CNTNAP2: variants seen among roughly 807,000 people sequenced by gnomAD.
The protein encoded by CNTNAP2 is contactin-associated protein-like 2.
A neutral mutation model predicts 155.2 loss-of-function variants in CNTNAP2; 98 were observed. The ratio of observed to expected loss-of-function variants is 0.63; its 90% CI spans 0.54 to 0.75. The LOEUF (loss-of-function observed/expected upper bound fraction) is 0.75. Ranked by LOEUF, CNTNAP2 falls within the 30% of genes least tolerant of loss-of-function variation. The pLI is 0.00. For missense variants in CNTNAP2, 1,727 were observed against 1,688.1 expected (o/e 1.02, Z -0.40); for synonymous variants, 651 against 631.2 (o/e 1.03, Z -0.47).
At chr7:148,056,251 T>G (rs1803006170) in intron 15 of CNTNAP2, among the ~76,000 whole-genome samples, 1 of 152,184 alleles carries the variant, frequency 6.6e-6, no homozygotes, top group Non-Finnish European at 1.5e-5. Flanking sequence ...CATTTTATGT[T>G]CTGTGGATTT....
At chr7:147,775,282 T>G (rs1797550348) in intron 13 of CNTNAP2, among the ~76,000 whole-genome samples, 1 of 94,036 alleles carries the variant, frequency 1.1e-5, no homozygotes, top group Non-Finnish European at 1.9e-5. Flanking sequence ...TATATATTTA[T>G]AAATATATAT....
intron 17 of CNTNAP2, among the ~76,000 whole-genome samples, chr7:148,158,036 T>C (rs1805437502): frequency 1.3e-5 from 2 of 152,064 alleles, no homozygotes; most frequent in Admixed American, 1.3e-4. Flanking sequence ...ATCTTCTCAA[T>C]AGAACCATCT....
At chr7:147,021,652 C>A (rs900232212) in intron 3 of CNTNAP2, among the ~76,000 whole-genome samples, 1 of 152,148 alleles carries the variant, frequency 6.6e-6, no homozygotes, top group Non-Finnish European at 1.5e-5. Context: ...TTTCTTCCTC[C>A]TCCTACTGGT....
At chr7:146,707,043 C>T (rs186708894) in intron 1 of CNTNAP2, among the ~76,000 whole-genome samples, 37 of 152,262 alleles carry the variant, frequency 2.4e-4, no homozygotes, top group African/African-American at 5.5e-4. Flanking sequence ...AAATTAGCCA[C>T]GTCGTAAAAT....
At chr7:147,242,302 C>G (rs1414232112) in intron 8 of CNTNAP2, among the ~76,000 whole-genome samples, 1 of 152,128 alleles carries the variant, frequency 6.6e-6, no homozygotes, top group East Asian at 1.9e-4. Flanking sequence ...GGTCTTTGTT[C>G]TACTGAAAAA....
At chr7:147,367,317 A>G (rs919225361) in intron 9 of CNTNAP2, among the ~76,000 whole-genome samples, 2 of 152,198 alleles carry the variant, frequency 1.3e-5, no homozygotes, top group African/African-American at 4.8e-5. Flanking sequence ...AATGACAACC[A>G]GTTAATGAAA....
At chr7:146,519,575 G>C (rs1342582873) in intron 1 of CNTNAP2, among the ~76,000 whole-genome samples, 2 of 151,886 alleles carry the variant, frequency 1.3e-5, no homozygotes, top group African/African-American at 4.8e-5. Flanking sequence ...AGGTTAAAAA[G>C]TTCTCTTTGC....
At chr7:147,545,127 A>G (rs1416406888) in intron 11 of CNTNAP2, among the ~76,000 whole-genome samples, 1 of 152,168 alleles carries the variant, frequency 6.6e-6, no homozygotes, top group Non-Finnish European at 1.5e-5. Flanking sequence ...GTCAAACTGA[A>G]TTTATTATTA....
At chr7:147,073,908 A>G (rs1799946988) in intron 4 of CNTNAP2, among the ~76,000 whole-genome samples, 1 of 152,168 alleles carries the variant, frequency 6.6e-6, no homozygotes, top group Non-Finnish European at 1.5e-5. Flanking sequence ...ATTGAGTCAG[A>G]AAATGCAGTG....
At chr7:147,059,700 T>C (rs1355317621) in intron 4 of CNTNAP2, among the ~76,000 whole-genome samples, 1 of 152,138 alleles carries the variant, frequency 6.6e-6, no homozygotes, top group African/African-American at 2.4e-5. Flanking sequence ...CTGGCTCATA[T>C]ATATTGTGTC....
At position 146,441,009 on chromosome 7, in the gene CNTNAP2, CT is replaced by C. The variant is rs1283723550; in HGVS notation, c.97+324038del. On this transcript the variant is annotated intron_variant, in intron 1 of 23. Coordinates refer to ENST00000361727, the MANE Select transcript of CNTNAP2 (RefSeq NM_014141.6). Reference sequence around the variant, plus strand: ...ATAAATCAAGATGTTACATTGACAACTTGTCCTACAAGTCTAAAATAAGAGT... The same window carrying C: ...ATAAATCAAGATGTTACATTGACAACTGTCCTACAAGTCTAAAATAAGAGT... Among the ~76,000 whole-genome samples, 6 of 151,568 alleles carry C rather than the reference CT, an allele frequency of 4.0e-5. No homozygotes were observed. In the East Asian group the frequency reaches 1.2e-3, roughly 29 times the overall value.
chr7:148,129,923 G>T (rs1248097846), intron 16 of CNTNAP2, among the ~76,000 whole-genome samples: 1 of 152,168 alleles, frequency 6.6e-6, no homozygotes, highest in African/African-American at 2.4e-5. Flanking sequence ...GGAGGGATGT[G>T]CCACAATAAA....
intron 8 of CNTNAP2, among the ~76,000 whole-genome samples, chr7:147,192,228 AT>A (rs1209300094): frequency 6.6e-6 from 1 of 152,090 alleles, no homozygotes; most frequent in African/African-American, 2.4e-5. Context: ...GGTCGGAAAC[AT>A]TTTACTCTTC....
intron 12 of CNTNAP2, among the ~76,000 whole-genome samples, chr7:147,566,478 A>G (rs1800173785): frequency 6.6e-6 from 1 of 152,056 alleles, no homozygotes; most frequent in Non-Finnish European, 1.5e-5. Flanking sequence ...AGATTGAGTA[A>G]TTTATAAAGG....
intron 8 of CNTNAP2, among the ~76,000 whole-genome samples, chr7:147,214,555 G>C (rs4448175): frequency 0.19 from 28,872 of 151,976 alleles, 3,120 homozygotes; most frequent in Non-Finnish European, 0.24. Flanking sequence ...TATTAAAGAT[G>C]GTTTGCTTAT....
At chr7:147,270,862 C>A (rs1027839071) in intron 8 of CNTNAP2, among the ~76,000 whole-genome samples, 1 of 152,152 alleles carries the variant, frequency 6.6e-6, no homozygotes, top group African/African-American at 2.4e-5. Context: ...GATTCATTTG[C>A]CATTAGGACG....
intron 3 of CNTNAP2, among the ~76,000 whole-genome samples, chr7:146,961,024 T>A (rs1237657720): frequency 6.6e-6 from 1 of 152,236 alleles, no homozygotes; most frequent in African/African-American, 2.4e-5. Context: ...GCATTTAGAA[T>A]GATTGGTCTT....
At position 147,891,778 on chromosome 7, in the gene CNTNAP2, T is replaced by C. The variant is rs555891152; in HGVS notation, c.2099-11787T>C. Among the ~76,000 whole-genome samples the C allele has an allele frequency of 1.8e-4, 27 of 152,148 alleles. 1 individual carries two copies. Among genetic ancestry groups the C allele is most frequent in the African/African-American group, 6.3e-4 (26 of 41,496 alleles). ...ACTAAATTATATGAGCCTCAGATAG[T>C]TTACCAAATAATTCCAACATAGCCC... On this transcript the variant is annotated intron_variant, in intron 13 of 23. Transcript: ENST00000361727.
intron 1 of CNTNAP2, among the ~76,000 whole-genome samples, chr7:146,642,666 A>T (rs1250128856): frequency 6.6e-6 from 1 of 152,060 alleles, no homozygotes; most frequent in Non-Finnish European, 1.5e-5. Context: ...TCCTTTGGGT[A>T]TATACCCAGT....
Sources: allele counts gnomAD v4.1 joint callset (sites outside exome capture counted in the v4.1 genomes callset), GRCh38; gene constraint gnomAD v4.1.1; transcripts MANE v1.5; gene names NCBI Gene and HGNC (gene_info 2026-07-23, HGNC 2026-07-21).